The following RARB variants were observed in gnomAD, a reference collection of about 807,000 sequenced individuals.
RARB encodes the protein HBV-activated protein.
In RARB, 17 loss-of-function variants were observed where a neutral mutation model predicts 51.9. The observed-to-expected ratio is 0.33, with a 90% CI of 0.22 to 0.49. RARB has a LOEUF of 0.49. Ranked by LOEUF, RARB falls within the 20% of genes least tolerant of loss-of-function variation. The pLI is 0.99. For synonymous variants in RARB, 215 were observed against 195.4 expected, an observed-to-expected ratio of 1.10 and a Z score of -0.84; for missense variants, 369 against 550.8, an observed-to-expected ratio of 0.67 and a Z score of 3.30.
intron 5 of RARB, among the ~76,000 whole-genome samples, chr3:25,202,536 A>G (rs563303890): frequency 7.2e-5 from 11 of 152,166 alleles, no homozygotes; most frequent in African/African-American, 2.7e-4. Context: ...TAGGGTGTCA[A>G]TTTTAGATCT....
intron 5 of RARB, among the ~76,000 whole-genome samples, chr3:25,284,263 C>T (rs1381140845): frequency 1.3e-5 from 2 of 152,144 alleles, no homozygotes; most frequent in Non-Finnish European, 2.9e-5. Context: ...GATGACTAAA[C>T]CTAATCAATA....
At chr3:25,295,119 T>TAC (rs772023248) in intron 5 of RARB, among the ~76,000 whole-genome samples, 1 of 152,356 alleles carries the variant, frequency 6.6e-6, no homozygotes, top group Non-Finnish European at 1.5e-5. Context: ...GGCAACATGG[T>TAC]ACAGTAGTTA....
Position 25,164,786 on chromosome 3 carries a change from A to G in RARB, c.-279-9333A>G, listed in dbSNP as rs79481947. Among the ~76,000 whole-genome samples the G allele has an allele frequency of 2.2e-3, 331 of 152,320 alleles. 2 individuals are homozygous for G. The highest frequency in any genetic ancestry group is 0.021 in the East Asian group (108 of 5,184). On this transcript the variant is annotated intron_variant, in intron 4 of 11. Coordinates refer to the RARB transcript ENST00000383772. ...GTACGCATACATGCTGAGTTTGACT[A>G]TAGCAAGTATGCTGTGTCTGTTTTT...
intron 2 of RARB, among the ~76,000 whole-genome samples, chr3:24,996,951 C>A (rs375690679): frequency 1.8e-4 from 28 of 152,196 alleles, no homozygotes; most frequent in Non-Finnish European, 4.1e-4. Flanking sequence ...GTGAAATGTT[C>A]TGCAAATGTC....
At chr3:25,431,119 C>T (rs1340341237) in intron 1 of RARB, among the ~76,000 whole-genome samples, 1 of 150,516 alleles carries the variant, frequency 6.6e-6, no homozygotes, top group Non-Finnish European at 1.5e-5. Flanking sequence ...TAAGTAAGAA[C>T]ATAACCACAA....
chr3:25,165,087 G>T, intron 4 of RARB, among the ~76,000 whole-genome samples: 1 of 151,728 alleles, frequency 6.6e-6, no homozygotes, highest in South Asian at 2.1e-4. Context: ...TAATTTGGGA[G>T]TTTTTTTTAA....
chr3:25,280,918 G>A (rs1184506994), intron 5 of RARB, among the ~76,000 whole-genome samples: 5 of 152,042 alleles, frequency 3.3e-5, no homozygotes, highest in Admixed American at 3.3e-4. Context: ...GTGTGTCTGT[G>A]TATAAGGGCA....
At chr3:25,015,425 C>A (rs1697487301) in intron 2 of RARB, among the ~76,000 whole-genome samples, 1 of 152,108 alleles carries the variant, frequency 6.6e-6, no homozygotes, top group Non-Finnish European at 1.5e-5. Flanking sequence ...GTTAAAATAA[C>A]TGTGAAATAA....
In RARB at chr3:25,420,995, A is replaced by AG. The variant is rs1328178549; in HGVS notation, c.179-40198_179-40197insG. ...GAGGCTCAACACCACTTATGCCAAA[A>AG]AAAAAAAAAAAAAACAGAGTCATAT... On this transcript the variant is annotated intron_variant, in intron 5 of 11. Coordinates refer to the RARB transcript ENST00000383772. 2.6e-5 allele frequency among the ~76,000 whole-genome samples: 4 copies of AG among 151,696 alleles called. No individual in the cohort carries two copies. In the East Asian group the frequency reaches 7.7e-4, roughly 29 times the overall value.
At chr3:25,190,615 C>A (rs989921665) in intron 5 of RARB, among the ~76,000 whole-genome samples, 69 of 152,100 alleles carry the variant, frequency 4.5e-4, no homozygotes, top group African/African-American at 1.6e-3. Flanking sequence ...CAGGTGATTC[C>A]TTGAGGTGTG....
rs191926917 is a variant in RARB, at chr3:25,542,372, G to A, written c.449-27386G>A. 2.4e-4 allele frequency among the ~76,000 whole-genome samples: 36 copies of A among 152,320 alleles called. No individual in the cohort carries two copies. The East Asian group carries it at 6.4e-3, about 27-fold the overall frequency. On this transcript the variant is annotated intron_variant, in intron 3 of 7. Coordinates refer to ENST00000330688, the MANE Select transcript of RARB (RefSeq NM_000965.5). ...TCCTCATCCCCTGTAATAAGTGACT[G>A]GATTTTTCATCCTATCACAATTAAA... is the stretch of plus-strand genomic sequence containing the variant.
At chr3:25,243,551 C>T (rs927558403) in intron 5 of RARB, among the ~76,000 whole-genome samples, 1 of 152,192 alleles carries the variant, frequency 6.6e-6, no homozygotes, top group African/African-American at 2.4e-5. Flanking sequence ...ACCTTTTCTG[C>T]ATCTGTTGAG....
intron 5 of RARB, among the ~76,000 whole-genome samples, chr3:25,375,874 C>T (rs924704721): frequency 6.6e-6 from 1 of 152,170 alleles, no homozygotes; most frequent in East Asian, 1.9e-4. Context: ...AGCCAGACTT[C>T]CAGGATTCAA....
intron 3 of RARB, among the ~76,000 whole-genome samples, chr3:25,552,471 G>A (rs1435964838): frequency 6.6e-5 from 10 of 152,130 alleles, no homozygotes; most frequent in South Asian, 2.1e-4. Flanking sequence ...GGTAAGGGGC[G>A]GGGGGAACAT....
At chr3:25,099,960 T>C (rs752907634) in intron 3 of RARB, among the ~76,000 whole-genome samples, 12 of 152,222 alleles carry the variant, frequency 7.9e-5, no homozygotes, top group Non-Finnish European at 1.3e-4. Context: ...CGATCTTAAT[T>C]TACTTTAAAA....
At chr3:25,581,960 G>A (rs1285605832) in intron 5 of RARB, among the ~76,000 whole-genome samples, 1 of 152,122 alleles carries the variant, frequency 6.6e-6, no homozygotes, top group Non-Finnish European at 1.5e-5. Flanking sequence ...AGGAGGGCAG[G>A]GATCTTCCCA....
chr3:25,077,561 T>C (rs1448383277), intron 3 of RARB, among the ~76,000 whole-genome samples: 1 of 152,178 alleles, frequency 6.6e-6, no homozygotes, highest in African/African-American at 2.4e-5. Context: ...TACTAATATA[T>C]CTCTATTTAT....
chr3:24,993,929 G>A (rs538944681), intron 2 of RARB, among the ~76,000 whole-genome samples: 37 of 152,102 alleles, frequency 2.4e-4, no homozygotes, highest in African/African-American at 7.7e-4. Flanking sequence ...GGTTGATTCC[G>A]TATCTTGGCT....
At chr3:24,996,960 T>C (rs1697053218) in intron 2 of RARB, among the ~76,000 whole-genome samples, 1 of 152,188 alleles carries the variant, frequency 6.6e-6, no homozygotes, top group Non-Finnish European at 1.5e-5. Flanking sequence ...TCTGCAAATG[T>C]CTTTTAGGTC....
Sources: gnomAD v4.1 joint callset for allele counts (sites outside exome capture counted in the v4.1 genomes callset) on GRCh38, gnomAD v4.1.1 for gene constraint, MANE v1.5 for transcripts, NCBI Gene and HGNC (gene_info 2026-07-23, HGNC 2026-07-21) for gene names.